The following TECTA variants were observed in gnomAD, a reference collection of about 807,000 sequenced individuals.
TECTA encodes tectorin alpha.
Under a neutral mutation model 216.8 loss-of-function variants are expected in TECTA, and 128 were observed. The ratio of observed to expected loss-of-function variants is 0.59; its 90% CI spans 0.51 to 0.68. TECTA has a LOEUF of 0.68. Ranked by LOEUF, TECTA falls within the 30% of genes least tolerant of loss-of-function variation. TECTA has a pLI of 0.00. For synonymous variants in TECTA, 1,089 were observed against 1,117.1 expected (o/e 0.97, Z 0.50); for missense variants, 2,551 against 2,786.2 (o/e 0.92, Z 1.90).
intron 20 of TECTA, among the ~76,000 whole-genome samples, chr11:121,181,128 G>A (rs543429474): frequency 3.3e-5 from 5 of 152,184 alleles, no homozygotes; most frequent in South Asian, 2.1e-4. Flanking sequence ...TCTCACCACC[G>A]CACTCCAGCC....
chr11:121,108,837 CCAGTACACACACACCCTT>C (rs1251562509), intron 3 of TECTA, among the ~76,000 whole-genome samples: 1 of 143,916 alleles, frequency 6.9e-6, no homozygotes, highest in Non-Finnish European at 1.5e-5. Context: ...GCACCTCACC[CCAGTACACACACACCCTT>C]CAGTACACAC....
chr11:121,125,477 T>A lies in TECTA; in HGVS notation c.1379T>A (p.Leu460His). The A allele has an allele frequency of 1.2e-6, 2 of 1,614,214 alleles. No homozygotes were observed. Reference sequence around the variant, plus strand: ...TCCTATATAAACTCCACCTGTGGACTCTGTGGAAACTATAATAAAAACCCA... The same window carrying A: ...TCCTATATAAACTCCACCTGTGGACACTGTGGAAACTATAATAAAAACCCA... The part of the protein sequence containing the change: ...PGSYINSTCG[L>H]CGNYNKNPLD... The change falls in exon 8 of 24, where the codon CTC (leucine) becomes CAC (histidine). Residue 460 changes from leucine (L) to histidine (H), a missense_variant. Coordinates refer to ENST00000392793, the MANE Select transcript of TECTA (RefSeq NM_005422.4).
At chr11:121,167,218 G>T (rs1947062827) in intron 18 of TECTA, among the ~76,000 whole-genome samples, 1 of 152,164 alleles carries the variant, frequency 6.6e-6, no homozygotes, top group Non-Finnish European at 1.5e-5. Flanking sequence ...ACTGCTAGAG[G>T]CCAGGAATTC....
At chr11:121,121,682 C>T (rs571391975) in intron 7 of TECTA, among the ~76,000 whole-genome samples, 5 of 152,266 alleles carry the variant, frequency 3.3e-5, no homozygotes, top group South Asian at 2.1e-4. Context: ...GGGAAACTGG[C>T]GTCCTGAGGG....
At position 121,160,146 on chromosome 11, in the gene TECTA, A is replaced by G. The variant is rs2135122932; in HGVS notation, c.4701A>G (p.Thr1567=). The change falls in exon 15 of 24, where the codon ACA becomes ACG. Residue 1567 remains threonine, a synonymous_variant. Transcript: ENST00000392793. The part of the protein sequence containing the change: ...NDRNTVKVNG[T]QVNVPFITGL... The stretch of plus-strand genomic sequence containing the variant: ...TCCTCCTCCAATAGGTGAATGGCAC[A>G]CAAGTGAATGTTCCATTTATAACTG... The G allele has an allele frequency of 6.2e-7, 1 of 1,614,236 alleles. No individual in the cohort carries two copies. The highest frequency in any genetic ancestry group is 1.1e-5 in the South Asian group (1 of 91,088).
Position 121,189,765 on chromosome 11 carries a change from G to T in TECTA, c.6252G>T (p.Arg2084Ser), listed in dbSNP as rs140887380. 1.6e-5 allele frequency: 26 copies of T among 1,613,802 alleles called. No homozygotes were observed. The African/African-American group carries it at 2.3e-4, about 14-fold the overall frequency. ...ATCTTCCTAACTGCTCTTTTGTAGG[G>T]CTGGACTGGTGTGAGGACAATGGAG... ...IISVGPIRRK[R>S]LDWCEDNGGC... Residue 2084 changes from arginine (R) to serine (S), a missense_variant and splice_region_variant, in exon 23 of 24, where the codon AGG becomes AGT. Coordinates refer to ENST00000392793, the MANE Select transcript of TECTA (RefSeq NM_005422.4).
chr11:121,190,662 A>AT, intron 23 of TECTA, 44 bp from the exon 24 acceptor site: 3 of 1,451,124 alleles, frequency 2.1e-6, no homozygotes, highest in Non-Finnish European at 2.9e-6. Flanking sequence ...TCAAACAGGT[A>AT]TTTTTCCCCC....
rs1433785140 is a variant in TECTA at position 121,189,799 on chromosome 11, C to G, written c.6286C>G (p.Gln2096Glu). The change falls in exon 23 of 24, where the codon CAG becomes GAG. Residue 2096 changes from glutamine (Q) to glutamate (E), a missense_variant. This residue lies in a region of TECTA where 118 missense variants were observed against 116.4 expected (regional missense o/e 1.01). Coordinates refer to ENST00000392793, the MANE Select transcript of TECTA (RefSeq NM_005422.4). ...GTGTGAGGACAATGGAGGGTGTGAGCAGATTTGCACGAGCCGGGTGGATGG... is the reference window on the plus strand; with the variant it reads ...GTGTGAGGACAATGGAGGGTGTGAGGAGATTTGCACGAGCCGGGTGGATGG... ...DWCEDNGGCE[Q>E]ICTSRVDGPL... The G allele has an allele frequency of 6.2e-7, 1 of 1,613,830 alleles. No homozygotes were observed. The highest frequency in any genetic ancestry group is 2.2e-5 in the East Asian group (1 of 44,884).
intron 18 of TECTA, 28 bp from the exon 19 acceptor site, chr11:121,168,026 C>G: frequency 6.2e-7 from 1 of 1,613,960 alleles, no homozygotes; most frequent in Non-Finnish European, 8.5e-7. Flanking sequence ...CCAGATGTAA[C>G]GATTTCTGAC....
chr11:121,168,394 A>G, intron 19 of TECTA, 177 bp downstream of exon 19: 1 of 948,908 alleles, frequency 1.1e-6, no homozygotes, highest in South Asian at 1.5e-5. Flanking sequence ...GACGATGGAA[A>G]TATTCCATCT....
chr11:121,144,761 G>A (rs2135104990), intron 11 of TECTA, among the ~76,000 whole-genome samples: 1 of 152,268 alleles, frequency 6.6e-6, no homozygotes. Context: ...TGGGTGCCTG[G>A]GGGGTAATGA....
At chr11:121,140,312 C>T (rs533416182) in intron 11 of TECTA, among the ~76,000 whole-genome samples, 69 of 152,244 alleles carry the variant, frequency 4.5e-4, no homozygotes, top group Middle Eastern at 3.4e-3. Flanking sequence ...TCACAATAAC[C>T]GACTCCCCAC....
At chr11:121,131,250 C>A (rs1016017251) in intron 10 of TECTA, among the ~76,000 whole-genome samples, 1 of 148,998 alleles carries the variant, frequency 6.7e-6, no homozygotes, top group Non-Finnish European at 1.5e-5. Flanking sequence ...TCATCCCTGA[C>A]GGCTATTTAT....
At chr11:121,183,338 G>A (rs1321025128) in intron 20 of TECTA, among the ~76,000 whole-genome samples, 1 of 152,134 alleles carries the variant, frequency 6.6e-6, no homozygotes, top group East Asian at 1.9e-4. Flanking sequence ...GCGATTCAGT[G>A]TGAACTCCTT....
Position 121,187,935 on chromosome 11 carries a change from G to T in TECTA, c.6103G>T (p.Glu2035Ter), listed in dbSNP as rs267602733. The change falls in exon 21 of 24, where the codon GAA becomes TAA. Residue 2035 changes from glutamate to a stop codon, truncating the protein, a stop_gained. Transcript: ENST00000392793. LOFTEE classifies it high-confidence loss of function. ...CTTTAAATTCATAGGGGATTACGAC[G>T]AAGTTCACCTTCACTGTGCAGTGTC... ...TVFKFIGDYDEVHLHCAVSLC... is the reference protein window; with the variant it reads ...TVFKFIGDYD 1 of 1,614,216 alleles carries T rather than the reference G, an allele frequency of 6.2e-7. No individual in the cohort carries two copies. Among genetic ancestry groups the T allele is most frequent in the South Asian group, 1.1e-5 (1 of 91,080 alleles).
In TECTA at chr11:121,125,867, G is replaced by A. The variant is rs1946606509; in HGVS notation, c.1769G>A (p.Gly590Glu). The A allele has an allele frequency of 6.2e-7, 1 of 1,607,288 alleles. No individual in the cohort carries two copies. Among genetic ancestry groups the A allele is most frequent in the South Asian group, 1.1e-5 (1 of 91,076 alleles). Residue 590 changes from glycine (G) to glutamate (E), a missense_variant, in exon 8 of 24, where the codon GGG becomes GAG. Physicochemically the swap from Gly to Glu is moderately conservative, Grantham distance 98. Coordinates refer to ENST00000392793, the MANE Select transcript of TECTA (RefSeq NM_005422.4). Reference sequence around the variant, plus strand: ...ATTGGAGACTGGCGAACCCAGACTGGGTGTGGTAAGCTGGCATCCCATCCC... The same window carrying A: ...ATTGGAGACTGGCGAACCCAGACTGAGTGTGGTAAGCTGGCATCCCATCCC... ...IPIGDWRTQTGCVSTVQCPSF... is the reference protein window; with the variant it reads ...IPIGDWRTQTECVSTVQCPSF...
At chr11:121,171,914 C>T (rs1188384467) in intron 20 of TECTA, among the ~76,000 whole-genome samples, 1 of 152,062 alleles carries the variant, frequency 6.6e-6, no homozygotes, top group African/African-American at 2.4e-5. Flanking sequence ...TTCTCTCTTG[C>T]TTGATTGAAC....
At chr11:121,111,487 TG>T (rs1316700654) in intron 4 of TECTA, among the ~76,000 whole-genome samples, 1 of 152,146 alleles carries the variant, frequency 6.6e-6, no homozygotes, top group Admixed American at 6.5e-5. Context: ...AGTGTGAGAA[TG>T]TGTAAGAGTG....
In TECTA at chr11:121,105,645, C is replaced by G. The variant is rs1031519604; in HGVS notation, c.65-186C>G. ...AGAAACAATGTCACTCCCATTTTCC[C>G]GTTTCCCAGAGCAGAAGATACTGCG... On this transcript the variant is annotated intron_variant, in intron 2 of 23. Coordinates refer to ENST00000392793, the MANE Select transcript of TECTA (RefSeq NM_005422.4). The surrounding 1 kb of genome is among the most constrained non-coding windows in gnomAD (Gnocchi z 5.3). Among the ~76,000 whole-genome samples the G allele has an allele frequency of 6.6e-6, 1 of 152,206 alleles. No individual in the cohort carries two copies. Among genetic ancestry groups the G allele is most frequent in the Non-Finnish European group, 1.5e-5 (1 of 68,050 alleles).
Sources: allele counts gnomAD v4.1 joint callset (sites outside exome capture counted in the v4.1 genomes callset), GRCh38; gene constraint gnomAD v4.1.1; regional missense constraint gnomAD v4.1.1; non-coding constraint Gnocchi (gnomAD v3.1); transcripts MANE v1.5; gene names NCBI Gene and HGNC (gene_info 2026-07-23, HGNC 2026-07-21).